The following PSMA1 variants were observed in gnomAD, a reference collection of about 807,000 sequenced individuals.
PSMA1 encodes the protein proteasome subunit alpha type-1.
PSMA1 carries 3 observed loss-of-function variants against 38.4 expected under a neutral mutation model. The ratio of observed to expected loss-of-function variants is 0.08; its 90% confidence interval spans 0.04 to 0.20. The LOEUF (loss-of-function observed/expected upper bound fraction) is 0.20. Ranked by LOEUF, PSMA1 falls within the 10% of genes least tolerant of loss-of-function variation. The pLI, the probability that PSMA1 is intolerant of heterozygous loss-of-function variation, is 1.00. For synonymous variants in PSMA1, 101 were observed against 107.1 expected (o/e 0.94, Z 0.35); for missense variants, 227 against 325.3 (o/e 0.70, Z 2.32).
intron 2 of PSMA1, among the ~76,000 whole-genome samples, chr11:14,551,349 A>G (rs564395976): frequency 1.3e-5 from 2 of 152,304 alleles, no homozygotes; most frequent in African/African-American, 4.8e-5. Context: ...TAGAGTCCCT[A>G]CGTAATTTAC....
chr11:14,550,406 G>A (rs906163574), intron 2 of PSMA1, among the ~76,000 whole-genome samples: 2 of 152,046 alleles, frequency 1.3e-5, no homozygotes, highest in Admixed American at 6.6e-5. Context: ...AATTGTAGTG[G>A]AATTACTTCA....
chr11:14,563,522 T>C (rs947539680), intron 2 of PSMA1, among the ~76,000 whole-genome samples: 20 of 152,330 alleles, frequency 1.3e-4, no homozygotes, highest in Admixed American at 1.0e-3. Context: ...TTGGGAGCTA[T>C]TGGTTTCTAT....
intron 2 of PSMA1, among the ~76,000 whole-genome samples, chr11:14,605,481 T>C (rs1406918072): frequency 2.0e-5 from 3 of 152,140 alleles, no homozygotes; most frequent in Non-Finnish European, 4.4e-5. Context: ...TCGCCCAGGC[T>C]CAAGTGATCC....
upstream of PSMA1, among the ~76,000 whole-genome samples, chr11:14,523,471 A>G (rs924675530): frequency 6.6e-6 from 1 of 151,812 alleles, no homozygotes; most frequent in Admixed American, 6.6e-5. Context: ...GGGTCCTACT[A>G]TGTTGCCCAG....
chr11:14,577,303 T>G (rs1388097734), intron 2 of PSMA1, among the ~76,000 whole-genome samples: 4 of 152,174 alleles, frequency 2.6e-5, no homozygotes, highest in Non-Finnish European at 5.9e-5. Flanking sequence ...GAGAAAACAA[T>G]TAAGTAATCT....
At chr11:14,522,667 T>C (rs1589982273), upstream of PSMA1, among the ~76,000 whole-genome samples, 1 of 152,232 alleles carries the variant, frequency 6.6e-6, no homozygotes, top group Admixed American at 6.5e-5. Flanking sequence ...TATGTTACTT[T>C]AGTGGATTGC....
Position 14,613,805 on chromosome 11 carries a change from A to G in PSMA1, c.-165-2654T>C, listed in dbSNP as rs1353783712. 2.6e-5 allele frequency among the ~76,000 whole-genome samples: 4 copies of G among 152,328 alleles called. No individual in the cohort carries two copies. In the East Asian group the frequency reaches 7.7e-4, roughly 29 times the overall value. Reference sequence around the variant, plus strand: ...ACAAAGGAGAAACAGGCAGTTGTCTAAATAATTCTGGCATCTTCCACAAAT... The same window carrying G: ...ACAAAGGAGAAACAGGCAGTTGTCTGAATAATTCTGGCATCTTCCACAAAT... On this transcript the variant is annotated intron_variant, in intron 1 of 10. Transcript: ENST00000418988.
upstream of PSMA1, among the ~76,000 whole-genome samples, chr11:14,522,869 AGG>A (rs1851544260): frequency 6.6e-5 from 10 of 152,258 alleles, no homozygotes; most frequent in Non-Finnish European, 1.0e-4. Flanking sequence ...AATATGCAAC[AGG>A]GAATCACATA....
intron 2 of PSMA1, among the ~76,000 whole-genome samples, chr11:14,544,568 C>T (rs1851806131): frequency 6.6e-6 from 1 of 152,048 alleles, no homozygotes; most frequent in Non-Finnish European, 1.5e-5. Context: ...CCAATAAGCC[C>T]ATAGAAGATG....
intron 5 of PSMA1, 33 bp from the exon 6 acceptor site, chr11:14,513,920 G>A (rs1209922067): frequency 6.4e-7 from 1 of 1,559,514 alleles, no homozygotes; most frequent in South Asian, 1.2e-5. Context: ...TTTTAACAAG[G>A]AATGAAGTAC....
At chr11:14,573,058 G>T (rs1271370471) in intron 2 of PSMA1, among the ~76,000 whole-genome samples, 2 of 152,118 alleles carry the variant, frequency 1.3e-5, no homozygotes, top group African/African-American at 4.8e-5. Flanking sequence ...AGGACCAGAT[G>T]GATTCACAGC....
rs1463498531 is a variant in PSMA1 at position 14,632,131 on chromosome 11, C to A, written c.-166+11324G>T. Among the ~76,000 whole-genome samples the A allele has an allele frequency of 3.5e-5, 5 of 141,752 alleles. No individual in the cohort carries two copies. The South Asian group carries it at 8.9e-4, about 25-fold the overall frequency. 93.0% of individuals were successfully genotyped at this position (141,752 alleles called of 152,430 possible). The stretch of plus-strand genomic sequence containing the variant: ...TTGACTCTTTATCCAATTTGCCAGT[C>A]TGTGTCTTTTAATTGGAGCATTTAG... On this transcript the variant is annotated intron_variant, in intron 1 of 10. Transcript: ENST00000418988.
intron 1 of PSMA1, among the ~76,000 whole-genome samples, chr11:14,623,564 G>A (rs1852875269): frequency 2.0e-5 from 3 of 152,186 alleles, no homozygotes. Context: ...GTAGAGGTAT[G>A]CAGGTAAACA....
chr11:14,635,247 T>A (rs1257404676), intron 1 of PSMA1, among the ~76,000 whole-genome samples: 1 of 152,236 alleles, frequency 6.6e-6, no homozygotes, highest in Admixed American at 6.5e-5. Flanking sequence ...GTTGTTCATG[T>A]TAGAGTGGAT....
chr11:14,613,966 T>C (rs1471927433), intron 1 of PSMA1, among the ~76,000 whole-genome samples: 2 of 152,240 alleles, frequency 1.3e-5, no homozygotes, highest in Non-Finnish European at 2.9e-5. Context: ...ACCTATCCAT[T>C]CATCCAGTAA....
chr11:14,622,467 T>A (rs1852859367), intron 1 of PSMA1, among the ~76,000 whole-genome samples: 1 of 152,230 alleles, frequency 6.6e-6, no homozygotes, highest in East Asian at 1.9e-4. Flanking sequence ...GGCACTAGTA[T>A]GCTAAAGGCC....
rs150712857 is a variant in PSMA1 at position 14,527,283 on chromosome 11, C to T, written c.22-8242G>A. On this transcript the variant is annotated intron_variant, in intron 2 of 10. Coordinates refer to the PSMA1 transcript ENST00000418988. ...GCCAGTTTTTCTCCTTCTCATCAGT[C>T]ACTCCCACCTACTGCCCCACTGAAA... Among the ~76,000 whole-genome samples the T allele has an allele frequency of 9.1e-3, 1,390 of 152,202 alleles. 18 individuals carry two copies. Among genetic ancestry groups the T allele is most frequent in the African/African-American group, 0.032 (1,344 of 41,504 alleles).
chr11:14,590,436 T>C (rs578222646), intron 2 of PSMA1, among the ~76,000 whole-genome samples: 13 of 152,310 alleles, frequency 8.5e-5, no homozygotes, highest in South Asian at 2.1e-4. Context: ...AAGGTGAGAA[T>C]GGTCTCATGA....
At chr11:14,606,987 T>C (rs1478898009) in intron 2 of PSMA1, among the ~76,000 whole-genome samples, 2 of 152,158 alleles carry the variant, frequency 1.3e-5, no homozygotes, top group Non-Finnish European at 2.9e-5. Flanking sequence ...CCTGCCCCTG[T>C]AAAATATATG....
Sources: gnomAD v4.1 joint callset for allele counts (sites outside exome capture counted in the v4.1 genomes callset) on GRCh38, gnomAD v4.1.1 for gene constraint, MANE v1.5 for transcripts, NCBI Gene and HGNC (gene_info 2026-07-23, HGNC 2026-07-21) for gene names.